Variants in ABL1 observed in about 807,000 individuals in gnomAD.
ABL1 encodes ABL proto-oncogene 1, non-receptor tyrosine kinase.
ABL1 carries 11 observed loss-of-function variants against 94.7 expected under a neutral mutation model. The observed-to-expected ratio is 0.12, with a 90% CI of 0.07 to 0.19. The LOEUF is 0.19. Ranked by LOEUF, ABL1 falls within the 10% of genes least tolerant of loss-of-function variation. ABL1 has a pLI of 1.00. For missense variants in ABL1, 1,082 were observed against 1,489.4 expected (o/e 0.73, Z 4.50); for synonymous variants, 656 against 622.4 (o/e 1.05, Z -0.80).
chr9:130,765,745 A>G (rs545465732), intron 1 of ABL1, among the ~76,000 whole-genome samples: 3 of 152,176 alleles, frequency 2.0e-5, no homozygotes, highest in Admixed American at 6.6e-5. Context: ...TAGGCCCCCC[A>G]GTTCCCTTTG....
At chr9:130,866,137 C>G (rs1831152400) in intron 4 of ABL1, among the ~76,000 whole-genome samples, 1 of 152,130 alleles carries the variant, frequency 6.6e-6, no homozygotes. Flanking sequence ...AAGGGACATT[C>G]ACCCTGTATC....
chr9:130,752,213 G>A (rs1340797613), intron 1 of ABL1, among the ~76,000 whole-genome samples: 3 of 152,144 alleles, frequency 2.0e-5, no homozygotes, highest in African/African-American at 7.2e-5. Context: ...GATTCTGAAG[G>A]CAGGCAGGCC....
Position 130,878,376 on chromosome 9 carries a change from C to T in ABL1, c.1271-39C>T, listed in dbSNP as rs376661321. The T allele has an allele frequency of 6.1e-5, 98 of 1,609,292 alleles. No individual in the cohort carries two copies. In the African/African-American group the frequency reaches 1.2e-3, roughly 20 times the overall value. ...TTAAATGTAGTGTAGTGAAATGCTA[C>T]ACATCTTGAACAGCCTTTCTCTTTC... On this transcript the variant is annotated intron_variant, in intron 7 of 10. Coordinates refer to ENST00000318560, the MANE Select transcript of ABL1 (RefSeq NM_005157.6).
intron 1 of ABL1, among the ~76,000 whole-genome samples, chr9:130,722,268 C>T (rs1831526302): frequency 6.6e-6 from 1 of 152,120 alleles, no homozygotes; most frequent in Non-Finnish European, 1.5e-5. Context: ...TGGCATATGC[C>T]TGTAATCCCA....
chr9:130,781,448 GACCC>G (rs1829754955), intron 1 of ABL1, among the ~76,000 whole-genome samples: 1 of 152,112 alleles, frequency 6.6e-6, no homozygotes, highest in Admixed American at 6.5e-5. Flanking sequence ...GAACATTCTT[GACCC>G]TCAGTCATGT....
Position 130,885,541 on chromosome 9 carries a change from G to C in ABL1, c.3251G>C (p.Arg1084Pro). The C allele has an allele frequency of 6.2e-7, 1 of 1,614,140 alleles. No individual in the cohort carries two copies. Among genetic ancestry groups the C allele is most frequent in the Non-Finnish European group, 8.5e-7 (1 of 1,180,050 alleles). The change falls in exon 11 of 11, where the codon CGA becomes CCA. Residue 1084 changes from arginine (R) to proline (P), a missense_variant. Coordinates refer to ENST00000318560, the MANE Select transcript of ABL1 (RefSeq NM_005157.6). ...IQQMRNKFAF[R>P]EAINKLENNL... ...CAAATGAGGAACAAGTTTGCCTTCC[G>C]AGAGGCCATCAACAAACTGGAGAAT... is the stretch of plus-strand genomic sequence containing the variant.
intron 10 of ABL1, among the ~76,000 whole-genome samples, chr9:130,883,020 A>C (rs1831490066): frequency 1.3e-5 from 2 of 152,026 alleles, no homozygotes; most frequent in South Asian, 4.1e-4. Flanking sequence ...CCAGAGGAGC[A>C]CCCAAGCGTC....
rs1831601840 is a variant in ABL1, at chr9:130,887,235, T to C, written c.*1552T>C. ...GCTTTACGCTCATCACCTAAACTTG[T>C]ACTTTATTTTTCTGATAGAAATGGT... On this transcript the variant is annotated 3_prime_UTR_variant, in exon 11 of 11. Coordinates refer to ENST00000318560, the MANE Select transcript of ABL1 (RefSeq NM_005157.6). 4.3e-6 allele frequency: 1 copy of C among 232,912 alleles called. No individual in the cohort carries two copies. The highest frequency in any genetic ancestry group is 1.8e-4 in the South Asian group (1 of 5,522). 14.4% of individuals were successfully genotyped at this position (232,912 alleles called of 1,614,324 possible). A position where few individuals can be genotyped will look rare whatever the true frequency, so the allele number is the denominator to read the frequency against.
chr9:130,731,365 T>G (rs758220925), intron 1 of ABL1, among the ~76,000 whole-genome samples: 12 of 152,164 alleles, frequency 7.9e-5, no homozygotes, highest in Non-Finnish European at 2.9e-5. Context: ...TAGTCTAATT[T>G]AATCTTTTAT....
chr9:130,868,520 C>CT (rs71389371), intron 4 of ABL1, among the ~76,000 whole-genome samples: 5,287 of 111,992 alleles, frequency 0.047, 151 homozygotes, highest in Middle Eastern at 0.083. Flanking sequence ...TTTTCTTTTT[C>CT]TTTTTTTTTT....
chr9:130,845,777 C>T (rs1246789247), intron 1 of ABL1, among the ~76,000 whole-genome samples: 2 of 151,746 alleles, frequency 1.3e-5, no homozygotes, highest in African/African-American at 4.8e-5. Context: ...TTCAAAAAGT[C>T]TTTTGAGGAC....
chr9:130,760,446 C>T (rs1832097295), intron 1 of ABL1, among the ~76,000 whole-genome samples: 1 of 152,140 alleles, frequency 6.6e-6, no homozygotes, highest in Non-Finnish European at 1.5e-5. Context: ...ATAGACCCTT[C>T]CAAGTCTTAC....
intron 1 of ABL1, among the ~76,000 whole-genome samples, chr9:130,808,289 G>A (rs1830157987): frequency 1.4e-5 from 2 of 147,864 alleles, no homozygotes; most frequent in South Asian, 4.3e-4. Flanking sequence ...TGTCACCCAG[G>A]CTGGAGTGCA....
At chr9:130,727,320 G>T in intron 1 of ABL1, among the ~76,000 whole-genome samples, 1 of 151,284 alleles carries the variant, frequency 6.6e-6, no homozygotes, top group Non-Finnish European at 1.5e-5. Flanking sequence ...GCCCTCCTGG[G>T]CCTCCCAAAG....
At chr9:130,812,454 A>G (rs1294453194) in intron 1 of ABL1, among the ~76,000 whole-genome samples, 1 of 152,184 alleles carries the variant, frequency 6.6e-6, no homozygotes, top group African/African-American at 2.4e-5. Context: ...CAGTTATCCC[A>G]CTTTGAATAT....
At position 130,884,749 on chromosome 9, in the gene ABL1, G is replaced by A. The variant is rs769405342; in HGVS notation, c.2459G>A (p.Arg820Gln). ...AACCTGACTCCAAAACCCCTCCGGC[G>A]GCAGGTCACCGTGGCCCCTGCCTCG... ...PPNLTPKPLR[R>Q]QVTVAPASGL... The change falls in exon 11 of 11, where the codon CGG becomes CAG. Residue 820 changes from arginine to glutamine, a missense_variant. Transcript: ENST00000318560. This position sits in a 1 kb window ranked among gnomAD's most constrained non-coding sequence, Gnocchi z 5.6. 1.6e-5 allele frequency: 25 copies of A among 1,612,338 alleles called. 1 individual carries two copies. The highest frequency in any genetic ancestry group is 1.6e-4 in the Middle Eastern group (1 of 6,082).
Position 130,835,370 on chromosome 9 carries a change from G to C in ABL1, c.-77G>C. 1 of 886,990 alleles carries C rather than the reference G, an allele frequency of 1.1e-6. No homozygotes were observed. Among genetic ancestry groups the C allele is most frequent in the Non-Finnish European group, 1.4e-6 (1 of 705,130 alleles). 54.9% of individuals were successfully genotyped at this position (886,990 alleles called of 1,614,324 possible). A position where few individuals can be genotyped will look rare whatever the true frequency, so the allele number is the denominator to read the frequency against. On this transcript the variant is annotated 5_prime_UTR_variant, in exon 1 of 11. Coordinates refer to ENST00000318560, the MANE Select transcript of ABL1 (RefSeq NM_005157.6). This position sits in a 1 kb window ranked among gnomAD's most constrained non-coding sequence, Gnocchi z 4.6. Reference sequence around the variant, plus strand: ...CCGGGGGCGCCGGGGGGGCGCGCGGGCCGAGCCGGGCCTGAGCCGGGCCCG... The same window carrying C: ...CCGGGGGCGCCGGGGGGGCGCGCGGCCCGAGCCGGGCCTGAGCCGGGCCCG...
chr9:130,754,456 C>T (rs376019117), intron 1 of ABL1, among the ~76,000 whole-genome samples: 337 of 138,492 alleles, frequency 2.4e-3, no homozygotes, highest in African/African-American at 9.1e-3. Flanking sequence ...TGCAGTGAGC[C>T]GAGATCGTGC....
chr9:130,769,947 G>T (rs190437721), intron 1 of ABL1, among the ~76,000 whole-genome samples: 1 of 152,138 alleles, frequency 6.6e-6, no homozygotes, highest in African/African-American at 2.4e-5. Context: ...ACAGTCTGAA[G>T]CCTTTGAATC....
Sources: allele counts gnomAD v4.1 joint callset (sites outside exome capture counted in the v4.1 genomes callset), GRCh38; gene constraint gnomAD v4.1.1; non-coding constraint Gnocchi (gnomAD v3.1); transcripts MANE v1.5; gene names NCBI Gene and HGNC (gene_info 2026-07-23, HGNC 2026-07-21).